The following B3GAT1 variants were observed in gnomAD, a reference collection of about 807,000 sequenced individuals.
B3GAT1 encodes beta-1,3-glucuronyltransferase 1.
A neutral mutation model predicts 28.4 loss-of-function variants in B3GAT1; 11 were observed. The observed-to-expected ratio is 0.39, with a 90% CI of 0.24 to 0.64. The LOEUF (loss-of-function observed/expected upper bound fraction) is 0.64. Ranked by LOEUF, B3GAT1 falls within the 30% of genes least tolerant of loss-of-function variation. The probability of loss-of-function intolerance (pLI) is 0.50; values close to 1 mark genes in which losing one functional copy is unlikely to be tolerated. For synonymous variants in B3GAT1, 255 were observed against 223.1 expected, an observed-to-expected ratio of 1.14 and a Z score of -1.27; for missense variants, 375 against 491.0, an observed-to-expected ratio of 0.76 and a Z score of 2.23.
In B3GAT1 at chr11:134,387,932, G is replaced by T; in HGVS notation, c.-273C>A. ...GGGGCAGGGGTCAGGAACCCTGGGG[G>T]GTGGACACCTGCAAGAGAGAGCAGA... is the stretch of plus-strand genomic sequence containing the variant. On this transcript the variant is annotated 5_prime_UTR_variant, in exon 2 of 6. Transcript: ENST00000312527. The T allele has an allele frequency of 7.3e-7, 1 of 1,363,422 alleles. No homozygotes were observed. The highest frequency in any genetic ancestry group is 9.9e-7 in the Non-Finnish European group (1 of 1,007,668). The allele number at this position is 1,363,422 out of a possible 1,614,324, so 84.5% of individuals were successfully genotyped here. A position where few individuals can be genotyped will look rare whatever the true frequency, so the allele number is the denominator to read the frequency against.
intron 2 of B3GAT1, chr11:134,387,213 C>T: frequency 3.4e-6 from 1 of 295,914 alleles, no homozygotes. Flanking sequence ...CCACTTCCCA[C>T]CTCCCCCTCC....
Position 134,393,288 on chromosome 11 carries a change from C to T in B3GAT1, c.-281-5348G>A, listed in dbSNP as rs949417757. 1.3e-5 allele frequency among the ~76,000 whole-genome samples: 2 copies of T among 152,196 alleles called. No homozygotes were observed. Among genetic ancestry groups the T allele is most frequent in the African/African-American group, 4.8e-5 (2 of 41,440 alleles). On this transcript the variant is annotated intron_variant, in intron 1 of 5. Transcript: ENST00000312527. The surrounding 1 kb of genome is among the most constrained non-coding windows in gnomAD (Gnocchi z 4.0). The stretch of plus-strand genomic sequence containing the variant: ...GTAAGTAACTCGCAGAGCCAGTTGT[C>T]CCATAGATGATGTTTCCCCAGGACT...
rs565561055 is a variant in B3GAT1 at position 134,388,231 on chromosome 11, C to T, written c.-281-291G>A. On this transcript the variant is annotated intron_variant, in intron 1 of 5. Coordinates refer to ENST00000312527, the MANE Select transcript of B3GAT1 (RefSeq NM_054025.3). Reference sequence around the variant, plus strand: ...AAATCCCAACTGTGCCACCCACAGGCTGTAAGACCTTTGCCAAGTCATTTC... The same window carrying T: ...AAATCCCAACTGTGCCACCCACAGGTTGTAAGACCTTTGCCAAGTCATTTC... 8.5e-4 allele frequency: 218 copies of T among 257,578 alleles called. 4 individuals carry two copies. The South Asian group carries it at 0.01, about 12-fold the overall frequency. The allele number at this position is 257,578 out of a possible 1,614,324, so 16.0% of individuals were successfully genotyped here. A position where few individuals can be genotyped will look rare whatever the true frequency, so the allele number is the denominator to read the frequency against.
At chr11:134,405,066 G>C (rs145989592) in intron 1 of B3GAT1, among the ~76,000 whole-genome samples, 114 of 152,292 alleles carry the variant, frequency 7.5e-4, no homozygotes, top group African/African-American at 2.6e-3. Flanking sequence ...GAGGAGGGAA[G>C]AAGAAGGGCT....
At chr11:134,402,484 G>T (rs1171233354) in intron 1 of B3GAT1, among the ~76,000 whole-genome samples, 5 of 152,082 alleles carry the variant, frequency 3.3e-5, no homozygotes, top group Admixed American at 2.6e-4. Flanking sequence ...GGCTCCTGGA[G>T]AACTTTCCTT....
chr11:134,392,779 A>G (rs1200699158), intron 1 of B3GAT1, among the ~76,000 whole-genome samples: 1 of 152,152 alleles, frequency 6.6e-6, no homozygotes, highest in Non-Finnish European at 1.5e-5. Flanking sequence ...GGGGCAGAAC[A>G]TGTGAGGCTG....
intron 1 of B3GAT1, among the ~76,000 whole-genome samples, chr11:134,400,797 G>T (rs911556176): frequency 6.6e-6 from 1 of 152,160 alleles, no homozygotes; most frequent in Non-Finnish European, 1.5e-5. Context: ...GAGCTTCTGT[G>T]CAGCAAAAGA....
chr11:134,410,228 AGT>A (rs1466153385), intron 1 of B3GAT1, among the ~76,000 whole-genome samples: 1 of 152,152 alleles, frequency 6.6e-6, no homozygotes, highest in African/African-American at 2.4e-5. Context: ...TGGAACAGTG[AGT>A]AACTGCCCAA....
chr11:134,386,488 TGA>T (rs1268594361), intron 2 of B3GAT1: 3 of 151,432 alleles, frequency 2.0e-5, no homozygotes, highest in Admixed American at 2.0e-4. Context: ...GGTTTGGGAG[TGA>T]GAGGGAAAGG....
chr11:134,391,631 G>A (rs1244697962), intron 1 of B3GAT1: 2 of 153,132 alleles, frequency 1.3e-5, no homozygotes, highest in African/African-American at 4.8e-5. Flanking sequence ...CAAGCACGGG[G>A]AAGAATGGGG....
At chr11:134,395,974 T>C (rs1944497409) in intron 1 of B3GAT1, among the ~76,000 whole-genome samples, 1 of 152,188 alleles carries the variant, frequency 6.6e-6, no homozygotes, top group African/African-American at 2.4e-5. Context: ...GGGCCATGGC[T>C]TCCTGCTGGC....
intron 1 of B3GAT1, among the ~76,000 whole-genome samples, chr11:134,404,080 T>C (rs1255155745): frequency 6.8e-6 from 1 of 146,738 alleles, no homozygotes; most frequent in Non-Finnish European, 1.5e-5. Flanking sequence ...GCAGGTTTGT[T>C]ACATATGTAT....
chr11:134,400,241 G>T (rs1944585648), intron 1 of B3GAT1, among the ~76,000 whole-genome samples: 1 of 152,104 alleles, frequency 6.6e-6, no homozygotes, highest in South Asian at 2.1e-4. Flanking sequence ...TTGCTTGCCG[G>T]TTTTCACATT....
Position 134,383,665 on chromosome 11 carries a change from C to T in B3GAT1, c.621+15G>A. 1 of 1,540,644 alleles carries T rather than the reference C, an allele frequency of 6.5e-7. No homozygotes were observed. The highest frequency in any genetic ancestry group is 1.2e-5 in the South Asian group (1 of 81,010). The stretch of plus-strand genomic sequence containing the variant: ...AGCCGGAGGTCCCGCTGCTCACTGT[C>T]GGGCCCTCCCTCACCTCTTCGAAGA... On this transcript the variant is annotated intron_variant, in intron 3 of 5. Transcript: ENST00000312527.
At position 134,387,608 on chromosome 11, in the gene B3GAT1, T is replaced by A; in HGVS notation, c.52A>T (p.Thr18Ser). 2 of 1,613,834 alleles carry A rather than the reference T, an allele frequency of 1.2e-6. No homozygotes were observed. The highest frequency in any genetic ancestry group is 1.7e-6 in the Non-Finnish European group (2 of 1,179,986). Reference sequence around the variant, plus strand: ...TGGTGCCAGACAGTGATGAGCAGAGTCCAGGGCAGCACGATGAGGACGATC... The same window carrying A: ...TGGTGCCAGACAGTGATGAGCAGAGACCAGGGCAGCACGATGAGGACGATC... ...LAIVLIVLPW[T>S]LLITVWHQST... is the part of the protein sequence containing the mutation. Residue 18 changes from threonine to serine, a missense_variant, in exon 2 of 6, where the codon ACT (threonine) becomes TCT (serine). Physicochemically the swap from Thr to Ser is moderately conservative, Grantham distance 58. Coordinates refer to ENST00000312527, the MANE Select transcript of B3GAT1 (RefSeq NM_054025.3).
Position 134,381,908 on chromosome 11 carries a change from C to G in B3GAT1, c.*14+16G>C. ...CGCCCTGCCCAGTGTGTGGCCCACC[C>G]TCGTCATGCCCATACCTGCATCCTG... On this transcript the variant is annotated intron_variant, in intron 5 of 5. Transcript: ENST00000312527. The G allele has an allele frequency of 6.2e-7, 1 of 1,606,318 alleles. No homozygotes were observed. The highest frequency in any genetic ancestry group is 8.5e-7 in the Non-Finnish European group (1 of 1,173,284).
intron 1 of B3GAT1, among the ~76,000 whole-genome samples, chr11:134,404,673 C>T (rs540187399): frequency 6.6e-5 from 10 of 152,304 alleles, no homozygotes; most frequent in South Asian, 2.1e-4. Context: ...GCTCCAGGTA[C>T]GCCACTCGGA....
chr11:134,397,534 A>AG (rs985589038), intron 1 of B3GAT1, among the ~76,000 whole-genome samples: 1 of 150,208 alleles, frequency 6.7e-6, no homozygotes, highest in Non-Finnish European at 1.5e-5. Context: ...CCAGAGCCAC[A>AG]GGGGGGGCCA....
chr11:134,380,993 C>G (rs1944109736), intron 5 of B3GAT1, among the ~76,000 whole-genome samples: 1 of 152,178 alleles, frequency 6.6e-6, no homozygotes, highest in Non-Finnish European at 1.5e-5. Flanking sequence ...CCCTGTGGTC[C>G]TCTGCGGGCA....
Sources: allele counts gnomAD v4.1 joint callset (sites outside exome capture counted in the v4.1 genomes callset), GRCh38; gene constraint gnomAD v4.1.1; non-coding constraint Gnocchi (gnomAD v3.1); transcripts MANE v1.5; gene names NCBI Gene and HGNC (gene_info 2026-07-23, HGNC 2026-07-21).